ZIC1: variants seen among roughly 807,000 people sequenced by gnomAD.
The protein encoded by ZIC1 is Zic family zinc finger 1.
In ZIC1, 4 loss-of-function variants were observed where a neutral mutation model predicts 30.9. That is an observed-to-expected ratio of 0.13 (90% CI 0.06 to 0.30). The LOEUF (loss-of-function observed/expected upper bound fraction) is 0.30. ZIC1 is among the 10% of genes least tolerant of loss of function. The pLI is 1.00. For missense variants in ZIC1, 441 were observed against 639.3 expected (o/e 0.69, Z 3.34); for synonymous variants, 305 against 277.5 (o/e 1.10, Z -0.98).
Position 147,416,021 on chromosome 3 carries a change from G to A in ZIC1, c.*2470G>A, listed in dbSNP as rs1002184409. ...TATTGGCTTTTTTCATGAAAAGAGC[G>A]CCACCTTGCAAGGTTTAGTGAGATT... On this transcript the variant is annotated 3_prime_UTR_variant, in exon 3 of 3. Transcript: ENST00000282928. 3.9e-5 allele frequency: 6 copies of A among 152,130 alleles called. No homozygotes were observed. Among genetic ancestry groups the A allele is most frequent in the Non-Finnish European group, 5.9e-5 (4 of 68,020 alleles). The allele number at this position is 152,130 out of a possible 1,614,324, so 9.4% of individuals were successfully genotyped here. A position where few individuals can be genotyped will look rare whatever the true frequency, so the allele number is the denominator to read the frequency against.
chr3:147,410,225 A>G lies in ZIC1; in HGVS notation c.113A>G (p.Asn38Ser). Residue 38 changes from asparagine (N) to serine (S), a missense_variant, in exon 1 of 3, where the codon AAC (asparagine) becomes AGC (serine). By Grantham distance (46) the Asn-to-Ser change is conservative (BLOSUM62 1). This residue lies in a region of ZIC1 where 307 missense variants were observed against 355.3 expected (regional missense o/e 0.86). Transcript: ENST00000282928. ...VAERDVGLGI[N>S]PFADGMGAFK... ...GAACGAGACGTGGGCCTGGGCATCA[A>G]CCCGTTCGCCGACGGCATGGGCGCC... The G allele has an allele frequency of 6.2e-7, 1 of 1,601,534 alleles. No individual in the cohort carries two copies. Among genetic ancestry groups the G allele is most frequent in the Non-Finnish European group, 8.5e-7 (1 of 1,179,666 alleles).
chr3:147,410,005 C>T lies in ZIC1; in HGVS notation c.-108C>T. ...ACTCCCCCTCCCTCCTCCTCTTCTTCCTCCTCTTCCTCCTCCTCTTGTTCC... is the reference window on the plus strand; with the variant it reads ...ACTCCCCCTCCCTCCTCCTCTTCTTTCTCCTCTTCCTCCTCCTCTTGTTCC... On this transcript the variant is annotated 5_prime_UTR_variant, in exon 1 of 3. Transcript: ENST00000282928. 1 of 1,221,870 alleles carries T rather than the reference C, an allele frequency of 8.2e-7. No individual in the cohort carries two copies. The highest frequency in any genetic ancestry group is 1.1e-6 in the Non-Finnish European group (1 of 918,144). The allele number at this position is 1,221,870 out of a possible 1,614,324, so 75.7% of individuals were successfully genotyped here.
intron 1 of ZIC1, among the ~76,000 whole-genome samples, chr3:147,411,586 G>T (rs1242937529): frequency 7.2e-5 from 11 of 152,276 alleles, no homozygotes. Flanking sequence ...GAGACAGAAA[G>T]AATTGAGACA....
In ZIC1 at chr3:147,409,989, C is replaced by CCCTCCTCCTCTTCTTCCTCCTCTT. The variant is rs1369333148; in HGVS notation, c.-111_-88dup. On this transcript the variant is annotated 5_prime_UTR_variant, in exon 1 of 3. Coordinates refer to ENST00000282928, the MANE Select transcript of ZIC1 (RefSeq NM_003412.4). ...TTCGCGAGGTGGGTCGACTCCCCCTCCCTCCTCCTCTTCTTCCTCCTCTTC... is the reference window on the plus strand; with the variant it reads ...TTCGCGAGGTGGGTCGACTCCCCCTCCCTCCTCCTCTTCTTCCTCCTCTTCCTCCTCCTCTTCTTCCTCCTCTTC... 4 of 1,091,758 alleles carry CCCTCCTCCTCTTCTTCCTCCTCTT rather than the reference C, an allele frequency of 3.7e-6. No homozygotes were observed. The highest frequency in any genetic ancestry group is 3.4e-5 in the African/African-American group (2 of 59,550). The allele number at this position is 1,091,758 out of a possible 1,614,324, so 67.6% of individuals were successfully genotyped here.
At position 147,412,631 on chromosome 3, in the gene ZIC1, A is replaced by G. The variant is rs756221956; in HGVS notation, c.1096A>G (p.Met366Val). 1.2e-6 allele frequency: 2 copies of G among 1,614,210 alleles called. No individual in the cohort carries two copies. Among genetic ancestry groups the G allele is most frequent in the South Asian group, 1.1e-5 (1 of 91,090 alleles). The change falls in exon 2 of 3, where the codon ATG becomes GTG. Residue 366 changes from methionine to valine, a missense_variant. Transcript: ENST00000282928. ...GAGCGACAAGCCCTATCTTTGCAAG[A>G]TGTGCGACAAGTCCTACACGCATCC... ...HTSDKPYLCK[M>V]CDKSYTHPSS...
chr3:147,412,493 C>T lies in ZIC1; in HGVS notation c.983-25C>T, dbSNP rs1391693794. On this transcript the variant is annotated intron_variant, in intron 1 of 2. Coordinates refer to ENST00000282928, the MANE Select transcript of ZIC1 (RefSeq NM_003412.4). ...CCGCGGTATTTTTTTCTAATTAGAC[C>T]CCTCTCATTCTACTTTGGCACCAGG... is the stretch of plus-strand genomic sequence containing the variant. The T allele has an allele frequency of 3.7e-6, 6 of 1,609,770 alleles. No homozygotes were observed. The Admixed American group carries it at 5.1e-5, about 14-fold the overall frequency.
rs925170230 is a variant in ZIC1, at chr3:147,415,747, T to C, written c.*2196T>C. 1 of 152,244 alleles carries C rather than the reference T, an allele frequency of 6.6e-6. No individual in the cohort carries two copies. Among genetic ancestry groups the C allele is most frequent in the Non-Finnish European group, 1.5e-5 (1 of 68,044 alleles). 9.4% of individuals were successfully genotyped at this position (152,244 alleles called of 1,614,324 possible). ...CACAAAGTATAACAACCCCTTAAGA[T>C]ACATCTATTTTAAAGTGAAATTAAT... On this transcript the variant is annotated 3_prime_UTR_variant, in exon 3 of 3. Coordinates refer to ENST00000282928, the MANE Select transcript of ZIC1 (RefSeq NM_003412.4).
chr3:147,412,749 C>T, intron 2 of ZIC1, 68 bp downstream of exon 2: 2 of 1,556,442 alleles, frequency 1.3e-6, no homozygotes, highest in Non-Finnish European at 1.7e-6. Flanking sequence ...TGGGGTCGGG[C>T]GGCGAGTGGC....
In ZIC1 at chr3:147,410,371, G is replaced by A. The variant is rs2087358605; in HGVS notation, c.259G>A (p.Gly87Ser). The A allele has an allele frequency of 1.2e-6, 2 of 1,601,658 alleles. No individual in the cohort carries two copies. Among genetic ancestry groups the A allele is most frequent in the Non-Finnish European group, 1.7e-6 (2 of 1,179,612 alleles). Reference sequence around the variant, plus strand: ...CCATCACCATCACCCGGGCCACGTCGGCTCCTATTCCAGCGCAGCCTTCAA... The same window carrying A: ...CCATCACCATCACCCGGGCCACGTCAGCTCCTATTCCAGCGCAGCCTTCAA... Reference protein sequence around the residue: ...LGHHHHPGHVGSYSSAAFNST... With the variant: ...LGHHHHPGHVSSYSSAAFNST... The change falls in exon 1 of 3, where the codon GGC (glycine) becomes AGC (serine). Residue 87 changes from glycine (G) to serine (S), a missense_variant. This residue lies in a region of ZIC1 where 307 missense variants were observed against 355.3 expected (regional missense o/e 0.86). Coordinates refer to ENST00000282928, the MANE Select transcript of ZIC1 (RefSeq NM_003412.4).
At position 147,410,262 on chromosome 3, in the gene ZIC1, C is replaced by T. The variant is rs1221854712; in HGVS notation, c.150C>T (p.Asn50=). The T allele has an allele frequency of 1.2e-6, 2 of 1,600,938 alleles. No homozygotes were observed. Among genetic ancestry groups the T allele is most frequent in the Non-Finnish European group, 1.7e-6 (2 of 1,179,692 alleles). The change falls in exon 1 of 3, where the codon AAC becomes AAT. Residue 50 remains asparagine (N), a synonymous_variant. Transcript: ENST00000282928. ...ACGGCATGGGCGCCTTCAAGCTCAA[C>T]CCCAGTTCGCACGAGCTGGCTTCGG... ...FADGMGAFKL[N]PSSHELASAG...
Position 147,413,871 on chromosome 3 carries a change from C to CCAG in ZIC1, c.*320_*321insCAG, listed in dbSNP as rs2087406680. 8.5e-6 allele frequency: 2 copies of CCAG among 235,760 alleles called. No homozygotes were observed. The highest frequency in any genetic ancestry group is 1.6e-5 in the Non-Finnish European group (2 of 123,838). 14.6% of individuals were successfully genotyped at this position (235,760 alleles called of 1,614,324 possible). On this transcript the variant is annotated 3_prime_UTR_variant, in exon 3 of 3. Transcript: ENST00000282928. The stretch of plus-strand genomic sequence containing the variant: ...CAGTTTCTTGTCGAATTGGTACGGG[C>CCAG]TCTCTGGGGCTTCGGCTTCTTTTTT...
chr3:147,415,126 A>T lies in ZIC1; in HGVS notation c.*1575A>T, dbSNP rs1399950759. On this transcript the variant is annotated 3_prime_UTR_variant, in exon 3 of 3. Coordinates refer to ENST00000282928, the MANE Select transcript of ZIC1 (RefSeq NM_003412.4). ...TAAAGCGTTTCACTTATATTCTTCA[A>T]ACATGATGCTAATTTAAATTAATTA... 1 of 152,644 alleles carries T rather than the reference A, an allele frequency of 6.6e-6. No individual in the cohort carries two copies. Among genetic ancestry groups the T allele is most frequent in the Non-Finnish European group, 1.5e-5 (1 of 68,038 alleles). 9.5% of individuals were successfully genotyped at this position (152,644 alleles called of 1,614,324 possible). A position where few individuals can be genotyped will look rare whatever the true frequency, so the allele number is the denominator to read the frequency against.
In ZIC1 at chr3:147,410,746, G is replaced by T. The variant is rs767021122; in HGVS notation, c.634G>T (p.Ala212Ser). The T allele has an allele frequency of 1.2e-6, 2 of 1,614,042 alleles. No homozygotes were observed. Among genetic ancestry groups the T allele is most frequent in the Non-Finnish European group, 1.7e-6 (2 of 1,180,010 alleles). ...VNMAAHHGAG[A>S]FFRYMRQPIK... ...CATGGCCGCGCATCACGGCGCCGGC[G>T]CCTTCTTCCGCTACATGCGCCAACC... The change falls in exon 1 of 3, where the codon GCC (alanine) becomes TCC (serine). Residue 212 changes from alanine to serine, a missense_variant. By Grantham distance (99) the Ala-to-Ser change is moderately conservative (BLOSUM62 1). Transcript: ENST00000282928.
chr3:147,413,601 C>T lies in ZIC1; in HGVS notation c.*50C>T. On this transcript the variant is annotated 3_prime_UTR_variant, in exon 3 of 3. Transcript: ENST00000282928. ...AACCCTATTTAAGAGACTGATCACA[C>T]ACGTATACACAACATTACTGAAAGA... The T allele has an allele frequency of 1.3e-6, 2 of 1,587,292 alleles. No homozygotes were observed. Among genetic ancestry groups the T allele is most frequent in the Non-Finnish European group, 1.7e-6 (2 of 1,161,342 alleles).
chr3:147,411,030 C>A lies in ZIC1; in HGVS notation c.918C>A (p.Phe306Leu). ...GCGAGAAGCCCTTTCCCTGCCCCTT[C>A]CCTGGCTGTGGCAAGGTCTTCGCGC... ...HTGEKPFPCP[F>L]PGCGKVFARS... is the part of the protein sequence containing the mutation. Residue 306 changes from phenylalanine (F) to leucine (L), a missense_variant, in exon 1 of 3, where the codon TTC (phenylalanine) becomes TTA (leucine). Physicochemically the swap from Phe to Leu is conservative, Grantham distance 22. Around this residue, in one of 5 missense-constraint regions of ZIC1, gnomAD observed 14 missense variants for 99.8 expected, o/e 0.14. Coordinates refer to ENST00000282928, the MANE Select transcript of ZIC1 (RefSeq NM_003412.4). The A allele has an allele frequency of 1.2e-6, 2 of 1,614,182 alleles. No homozygotes were observed. Among genetic ancestry groups the A allele is most frequent in the Non-Finnish European group, 1.7e-6 (2 of 1,180,030 alleles).
At position 147,410,371 on chromosome 3, in the gene ZIC1, G is replaced by C; in HGVS notation, c.259G>C (p.Gly87Arg). The change falls in exon 1 of 3, where the codon GGC (glycine) becomes CGC (arginine). Residue 87 changes from glycine to arginine, a missense_variant. Coordinates refer to ENST00000282928, the MANE Select transcript of ZIC1 (RefSeq NM_003412.4). Reference sequence around the variant, plus strand: ...CCATCACCATCACCCGGGCCACGTCGGCTCCTATTCCAGCGCAGCCTTCAA... The same window carrying C: ...CCATCACCATCACCCGGGCCACGTCCGCTCCTATTCCAGCGCAGCCTTCAA... Reference protein sequence around the residue: ...LGHHHHPGHVGSYSSAAFNST... With the variant: ...LGHHHHPGHVRSYSSAAFNST... The C allele has an allele frequency of 6.2e-7, 1 of 1,601,658 alleles. No homozygotes were observed. Among genetic ancestry groups the C allele is most frequent in the Non-Finnish European group, 8.5e-7 (1 of 1,179,612 alleles).
At position 147,410,274 on chromosome 3, in the gene ZIC1, C is replaced by G. The variant is rs758813821; in HGVS notation, c.162C>G (p.His54Gln). The change falls in exon 1 of 3, where the codon CAC becomes CAG. Residue 54 changes from histidine to glutamine, a missense_variant. Around this residue, in one of 5 missense-constraint regions of ZIC1, gnomAD observed 307 missense variants for 355.3 expected, o/e 0.86. Coordinates refer to ENST00000282928, the MANE Select transcript of ZIC1 (RefSeq NM_003412.4). ...CCTTCAAGCTCAACCCCAGTTCGCA[C>G]GAGCTGGCTTCGGCCGGCCAGACGG... ...MGAFKLNPSS[H>Q]ELASAGQTAF... 1.2e-6 allele frequency: 2 copies of G among 1,600,704 alleles called. No homozygotes were observed. Among genetic ancestry groups the G allele is most frequent in the Non-Finnish European group, 1.7e-6 (2 of 1,179,620 alleles).
At chr3:147,412,108 C>T (rs1012128097) in intron 1 of ZIC1, among the ~76,000 whole-genome samples, 11 of 148,792 alleles carry the variant, frequency 7.4e-5, no homozygotes, top group Non-Finnish European at 1.3e-4. Context: ...TGCGGAGCGT[C>T]GGGGAGGGGG....
rs529673837 is a variant in ZIC1 at position 147,409,706 on chromosome 3, C to T, written c.-407C>T. 20 of 185,910 alleles carry T rather than the reference C, an allele frequency of 1.1e-4. No individual in the cohort carries two copies. Among genetic ancestry groups the T allele is most frequent in the Non-Finnish European group, 2.1e-4 (19 of 90,766 alleles). 11.5% of individuals were successfully genotyped at this position (185,910 alleles called of 1,614,324 possible). On this transcript the variant is annotated 5_prime_UTR_variant, in exon 1 of 3. Coordinates refer to ENST00000282928, the MANE Select transcript of ZIC1 (RefSeq NM_003412.4). ...GGGCGAAGCAGTCGCGGCACTGGCG[C>T]TCACATTCCTCTATGCTACAAATCC...
Sources: gnomAD v4.1 joint callset for allele counts (sites outside exome capture counted in the v4.1 genomes callset) on GRCh38, gnomAD v4.1.1 for gene constraint, gnomAD v4.1.1 regional missense constraint, MANE v1.5 for transcripts, NCBI Gene and HGNC (gene_info 2026-07-23, HGNC 2026-07-21) for gene names.